Variants in BCL6 observed in about 807,000 individuals in gnomAD.
BCL6 encodes BCL6 transcription repressor.
In BCL6, 7 loss-of-function variants were observed where a neutral mutation model predicts 59.5. The ratio of observed to expected loss-of-function variants is 0.12; its 90% CI spans 0.07 to 0.22. The LOEUF is 0.22. Ranked by LOEUF, BCL6 falls within the 10% of genes least tolerant of loss-of-function variation. BCL6 has a pLI of 1.00. For synonymous variants in BCL6, 339 were observed against 349.7 expected (o/e 0.97, Z 0.34); for missense variants, 685 against 939.4 (o/e 0.73, Z 3.54).
chr3:187,728,300 C>G, intron 6 of BCL6, 60 bp downstream of exon 6: 2 of 1,459,424 alleles, frequency 1.4e-6, no homozygotes, highest in Non-Finnish European at 1.8e-6. Context: ...GAGCACAAAA[C>G]CTATGGAGCA....
chr3:187,745,439 T>G lies in BCL6; in HGVS notation c.-79A>C. The G allele has an allele frequency of 2.5e-6, 1 of 399,682 alleles. No individual in the cohort carries two copies. Among genetic ancestry groups the G allele is most frequent in the Non-Finnish European group, 4.4e-6 (1 of 226,378 alleles). The allele number at this position is 399,682 out of a possible 1,614,324, so 24.8% of individuals were successfully genotyped here. A position where few individuals can be genotyped will look rare whatever the true frequency, so the allele number is the denominator to read the frequency against. ...TGTCCGGCCTTTCCTAGAAACTTCT[T>G]GCATCACCACTTCTAAGAACCCCAG... On this transcript the variant is annotated 5_prime_UTR_variant, in exon 1 of 10. Coordinates refer to ENST00000406870, the MANE Select transcript of BCL6 (RefSeq NM_001706.5).
chr3:187,732,257 C>T (rs1475935628), intron 3 of BCL6: 2 of 383,322 alleles, frequency 5.2e-6, no homozygotes, highest in African/African-American at 4.2e-5. Context: ...GTACAGATTA[C>T]CAGAGTTAAA....
chr3:187,725,749 C>T lies in BCL6; in HGVS notation c.1709-120G>A. 7.8e-7 allele frequency: 1 copy of T among 1,276,644 alleles called. No homozygotes were observed. The highest frequency in any genetic ancestry group is 1.4e-5 in the South Asian group (1 of 69,208). 79.1% of individuals were successfully genotyped at this position (1,276,644 alleles called of 1,614,324 possible). On this transcript the variant is annotated intron_variant, in intron 7 of 9. Transcript: ENST00000406870. The surrounding 1 kb of genome is among the most constrained non-coding windows in gnomAD (Gnocchi z 4.7). ...CCTGAGGCCACTTGTGTTTTCCTTT[C>T]CCTTAGGGAATGTGAGAGAGAGAAT...
At chr3:187,744,970 A>G (rs188601587) in intron 1 of BCL6, among the ~76,000 whole-genome samples, 3 of 151,856 alleles carry the variant, frequency 2.0e-5, no homozygotes, top group African/African-American at 7.2e-5. Context: ...GACTAGCCCG[A>G]ATCACCCCCC....
chr3:187,726,884 A>G lies in BCL6; in HGVS notation c.1555T>C (p.Phe519Leu), dbSNP rs1385653267. The G allele has an allele frequency of 6.2e-7, 1 of 1,614,170 alleles. No homozygotes were observed. The highest frequency in any genetic ancestry group is 8.5e-7 in the Non-Finnish European group (1 of 1,180,014). Residue 519 changes from phenylalanine (F) to leucine (L), a missense_variant, in exon 7 of 10, where the codon TTC becomes CTC. Phe to Leu is a conservative substitution (Grantham distance 22). This residue lies in a region of BCL6 where 207 missense variants were observed against 213.7 expected (regional missense o/e 0.97). Coordinates refer to ENST00000406870, the MANE Select transcript of BCL6 (RefSeq NM_001706.5). The stretch of plus-strand genomic sequence containing the variant: ...AAGCGGCAGTCACACTCATTGCAGA[A>G]GAAGGCCCCGTTCTCTGTTGGAGGG... ...SDSSCENGAF[F>L]CNECDCRFSE...
Position 187,725,708 on chromosome 3 carries a change from A to T in BCL6, c.1709-79T>A. 1 of 1,562,688 alleles carries T rather than the reference A, an allele frequency of 6.4e-7. No homozygotes were observed. The highest frequency in any genetic ancestry group is 1.1e-5 in the South Asian group (1 of 87,766). On this transcript the variant is annotated intron_variant, in intron 7 of 9. Transcript: ENST00000406870. The surrounding 1 kb of genome is among the most constrained non-coding windows in gnomAD (Gnocchi z 4.7). ...TGCAGTCCGTGGCTCCTGGATTTCTAAGCAGCCTGCTCCTCCCTGAGGCCA... is the reference window on the plus strand; with the variant it reads ...TGCAGTCCGTGGCTCCTGGATTTCTTAGCAGCCTGCTCCTCCCTGAGGCCA...
chr3:187,740,914 C>T (rs539275488), intron 1 of BCL6, among the ~76,000 whole-genome samples: 2 of 152,220 alleles, frequency 1.3e-5, no homozygotes, highest in Non-Finnish European at 2.9e-5. Context: ...AGGTTGTATG[C>T]CATCCCCATT....
In BCL6 at chr3:187,731,794, C is replaced by T. The variant is rs757071785; in HGVS notation, c.298G>A (p.Gly100Ser). The T allele has an allele frequency of 8.1e-6, 13 of 1,613,958 alleles. No individual in the cohort carries two copies. The highest frequency in any genetic ancestry group is 8.5e-6 in the Non-Finnish European group (10 of 1,180,034). The part of the protein sequence containing the change: ...MYTSRLNLRE[G>S]NIMAVMATAM... ...GTGGCCATCACAGCCATGATGTTGC[C>T]CTCCCGCAAATTGAGCCGAGATGTG... The change falls in exon 4 of 10, where the codon GGC becomes AGC. Residue 100 changes from glycine to serine, a missense_variant. Physicochemically the swap from Gly to Ser is moderately conservative, Grantham distance 56. Transcript: ENST00000406870.
At chr3:187,733,925 T>G in intron 2 of BCL6, 1 of 552,302 alleles carries the variant, frequency 1.8e-6, no homozygotes, top group Non-Finnish European at 3.3e-6. Flanking sequence ...GAAAGCCCTT[T>G]AGGGGAAAAG....
rs1718653956 is a variant in BCL6 at position 187,725,656 on chromosome 3, A to G, written c.1709-27T>C. On this transcript the variant is annotated intron_variant, in intron 7 of 9. Coordinates refer to ENST00000406870, the MANE Select transcript of BCL6 (RefSeq NM_001706.5). The surrounding 1 kb of genome is among the most constrained non-coding windows in gnomAD (Gnocchi z 4.7). ...TATTACCAAGAAAAAGGGAAAAAGA[A>G]AAGCCATATTCAATAAGGAAGGTCT... 6.2e-7 allele frequency: 1 copy of G among 1,613,774 alleles called. No homozygotes were observed. Among genetic ancestry groups the G allele is most frequent in the African/African-American group, 1.3e-5 (1 of 74,886 alleles).
Position 187,731,855 on chromosome 3 carries a change from G to T in BCL6, c.237C>A (p.Asn79Lys). The T allele has an allele frequency of 6.2e-7, 1 of 1,614,158 alleles. No homozygotes were observed. Among genetic ancestry groups the T allele is most frequent in the Non-Finnish European group, 8.5e-7 (1 of 1,180,026 alleles). Residue 79 changes from asparagine (N) to lysine (K), a missense_variant, in exon 4 of 10, where the codon AAC (asparagine) becomes AAA (lysine). Physicochemically the swap from Asn to Lys is moderately conservative, Grantham distance 94. This residue lies in a region of BCL6 where 102 missense variants were observed against 176.6 expected (regional missense o/e 0.58). Transcript: ENST00000406870. ...CCAGGAGGATGCAGAATCCCTCAGG[G>T]TTGATCTCAGGATCTAGATTGATCA... The part of the protein sequence containing the change: ...LSVINLDPEI[N>K]PEGFCILLDF...
rs1410788785 is a variant in BCL6 at position 187,721,699 on chromosome 3, G to A, written c.*759C>T. Reference sequence around the variant, plus strand: ...AAAATTACACATTTTTCCTTCTGCAGATTTTTTTGTTCTTTTTGTTTTTTT... The same window carrying A: ...AAAATTACACATTTTTCCTTCTGCAAATTTTTTTGTTCTTTTTGTTTTTTT... On this transcript the variant is annotated 3_prime_UTR_variant, in exon 10 of 10. Transcript: ENST00000406870. This position sits in a 1 kb window ranked among gnomAD's most constrained non-coding sequence, Gnocchi z 4.2. The A allele has an allele frequency of 4.3e-6, 1 of 232,142 alleles. No homozygotes were observed. The highest frequency in any genetic ancestry group is 2.2e-5 in the African/African-American group (1 of 45,234). 14.4% of individuals were successfully genotyped at this position (232,142 alleles called of 1,614,324 possible).
rs181300648 is a variant in BCL6, at chr3:187,725,384, C to T, written c.1839+115G>A. 10,543 of 1,543,940 alleles carry T rather than the reference C, an allele frequency of 6.8e-3. 51 individuals carry two copies. The highest frequency in any genetic ancestry group is 8.5e-3 in the Non-Finnish European group (9,776 of 1,147,782). On this transcript the variant is annotated intron_variant, in intron 8 of 9. Coordinates refer to ENST00000406870, the MANE Select transcript of BCL6 (RefSeq NM_001706.5). The surrounding 1 kb of genome is among the most constrained non-coding windows in gnomAD (Gnocchi z 4.7). Reference sequence around the variant, plus strand: ...GCCCGCTCTGCTCACCTGCCCGCTCCGCTTGCCTGCCCGCTCCACTTGCCT... The same window carrying T: ...GCCCGCTCTGCTCACCTGCCCGCTCTGCTTGCCTGCCCGCTCCACTTGCCT...
chr3:187,738,756 G>T (rs1719407040), intron 1 of BCL6, among the ~76,000 whole-genome samples: 1 of 152,184 alleles, frequency 6.6e-6, no homozygotes, highest in Non-Finnish European at 1.5e-5. Flanking sequence ...TCCCTTCTGC[G>T]GCAAGCGGAA....
intron 6 of BCL6, 50 bp from the exon 7 acceptor site, chr3:187,726,948 T>C (rs758650536): frequency 5.0e-6 from 8 of 1,599,750 alleles, no homozygotes; most frequent in South Asian, 1.1e-5. Flanking sequence ...GGAAGGGAGG[T>C]AGGGCTCTAA....
chr3:187,743,802 G>A (rs1189099650), intron 1 of BCL6, among the ~76,000 whole-genome samples: 2 of 139,088 alleles, frequency 1.4e-5, no homozygotes, highest in Non-Finnish European at 3.0e-5. Flanking sequence ...TCCCTCCCCG[G>A]GCCGCCGCCG....
At chr3:187,741,264 T>G (rs1411407157) in intron 1 of BCL6, among the ~76,000 whole-genome samples, 1 of 152,194 alleles carries the variant, frequency 6.6e-6, no homozygotes, top group Non-Finnish European at 1.5e-5. Context: ...TCATGTATCA[T>G]AAGTTGATTT....
Position 187,725,338 on chromosome 3 carries a change from G to C in BCL6, c.1839+161C>G, listed in dbSNP as rs1718627114. On this transcript the variant is annotated intron_variant, in intron 8 of 9. Transcript: ENST00000406870. The surrounding 1 kb of genome is among the most constrained non-coding windows in gnomAD (Gnocchi z 4.7). ...CCCGCTCTGCTCACCTGCACACGGG[G>C]ACTGAGTGGGACTTTCTCCTGCCCG... 6.8e-6 allele frequency among the ~76,000 whole-genome samples: 1 copy of C among 146,308 alleles called. No homozygotes were observed. The highest frequency in any genetic ancestry group is 2.0e-4 in the East Asian group (1 of 4,984).
chr3:187,723,457 A>T (rs1482017059), intron 9 of BCL6, among the ~76,000 whole-genome samples: 1 of 152,350 alleles, frequency 6.6e-6, no homozygotes, highest in Admixed American at 6.5e-5. Flanking sequence ...TATTATCAGT[A>T]TTGGTTCATT....
Sources: allele counts gnomAD v4.1 joint callset (sites outside exome capture counted in the v4.1 genomes callset), GRCh38; gene constraint gnomAD v4.1.1; regional missense constraint gnomAD v4.1.1; non-coding constraint Gnocchi (gnomAD v3.1); transcripts MANE v1.5; gene names NCBI Gene and HGNC (gene_info 2026-07-23, HGNC 2026-07-21).